Variants in LEF1 observed in about 807,000 individuals in gnomAD.
LEF1 encodes lymphoid enhancer-binding factor 1.
Under a neutral mutation model 51.2 loss-of-function variants are expected in LEF1, and 14 were observed. The ratio of observed to expected loss-of-function variants is 0.27; its 90% CI spans 0.18 to 0.43. The LOEUF (loss-of-function observed/expected upper bound fraction) is 0.43, where lower values mean the gene tolerates loss of function less well. Ranked by LOEUF, LEF1 falls within the 20% of genes least tolerant of loss-of-function variation. LEF1 has a pLI of 1.00. For synonymous variants in LEF1, 185 were observed against 183.2 expected, an observed-to-expected ratio of 1.01 and a Z score of -0.08; for missense variants, 386 against 512.0, an observed-to-expected ratio of 0.75 and a Z score of 2.37.
intron 3 of LEF1, among the ~76,000 whole-genome samples, chr4:108,129,016 C>T (rs139216093): frequency 3.9e-5 from 6 of 152,242 alleles, no homozygotes; most frequent in Non-Finnish European, 7.3e-5. Flanking sequence ...GGAAAAATCC[C>T]GGAGAGGGTC....
chr4:108,091,416 C>A (rs1399402935), intron 3 of LEF1, among the ~76,000 whole-genome samples: 2 of 149,918 alleles, frequency 1.3e-5, no homozygotes, highest in African/African-American at 4.9e-5. Context: ...TATACCCTAT[C>A]ATTACAACCT....
At chr4:108,064,514 T>C (rs1737919110) in intron 9 of LEF1, 130 bp from the exon 10 acceptor site, 1 of 627,618 alleles carries the variant, frequency 1.6e-6, no homozygotes, top group Non-Finnish European at 2.8e-6. Context: ...CTCTTCACCA[T>C]CTCTATCTAG....
rs556733080 is a variant in LEF1 at position 108,161,528 on chromosome 4, A to G, written c.414+2040T>C. Among the ~76,000 whole-genome samples, 5 of 152,324 alleles carry G rather than the reference A, an allele frequency of 3.3e-5. No homozygotes were observed. The East Asian group carries it at 7.7e-4, about 23-fold the overall frequency. Reference sequence around the variant, plus strand: ...CTGACCTCAAAATTTTAATACATACACTAACAATAAATACCTTCTATCAAA... The same window carrying G: ...CTGACCTCAAAATTTTAATACATACGCTAACAATAAATACCTTCTATCAAA... On this transcript the variant is annotated intron_variant, in intron 3 of 11. Coordinates refer to ENST00000265165, the MANE Select transcript of LEF1 (RefSeq NM_016269.5).
At chr4:108,130,426 A>G (rs1451583827) in intron 3 of LEF1, among the ~76,000 whole-genome samples, 1 of 152,160 alleles carries the variant, frequency 6.6e-6, no homozygotes, top group Non-Finnish European at 1.5e-5. Context: ...TGGCTCATCA[A>G]AAGACCTTCC....
chr4:108,076,629 C>T (rs1287015261), intron 8 of LEF1, among the ~76,000 whole-genome samples: 5 of 152,196 alleles, frequency 3.3e-5, no homozygotes, highest in Admixed American at 2.6e-4. Context: ...CTGCCTGCCT[C>T]GGCCTCTCAA....
intron 4 of LEF1, among the ~76,000 whole-genome samples, chr4:108,085,162 C>T (rs1210183428): frequency 6.6e-6 from 1 of 152,184 alleles, no homozygotes; most frequent in East Asian, 1.9e-4. Flanking sequence ...AATTTCAGCT[C>T]ACCACAACCT....
intron 3 of LEF1, among the ~76,000 whole-genome samples, chr4:108,133,827 T>C (rs1237602288): frequency 6.6e-6 from 1 of 152,198 alleles, no homozygotes; most frequent in Non-Finnish European, 1.5e-5. Flanking sequence ...ATTCATTACA[T>C]CAGAAAATAA....
intron 2 of LEF1, 29 bp downstream of exon 2, chr4:108,165,068 A>C: frequency 6.2e-7 from 1 of 1,605,332 alleles, no homozygotes; most frequent in Non-Finnish European, 8.5e-7. Flanking sequence ...TATCTGCTAA[A>C]GTCAGAAGAA....
chr4:108,083,535 A>G, intron 4 of LEF1, 89 bp from the exon 5 acceptor site: 1 of 758,884 alleles, frequency 1.3e-6, no homozygotes, highest in Non-Finnish European at 2.1e-6. Context: ...ATTCATACTT[A>G]AGGTTCAGAA....
intron 8 of LEF1, chr4:108,075,524 A>C (rs1578311227): frequency 6.6e-6 from 1 of 152,240 alleles, no homozygotes; most frequent in East Asian, 1.9e-4. Flanking sequence ...TTAAGAGGCT[A>C]CCACACAGAT....
intron 3 of LEF1, among the ~76,000 whole-genome samples, chr4:108,124,374 A>AT (rs111874516): frequency 0.096 from 13,986 of 145,502 alleles, 844 homozygotes; most frequent in African/African-American, 0.19. Flanking sequence ...ATACATGAAC[A>AT]TTTTTTTTTT....
Position 108,066,104 on chromosome 4 carries a change from C to A in LEF1, c.1117-1720G>T, listed in dbSNP as rs185327168. ...TTTTGGTAAATACGGAGTTTCACCA[C>A]GTTGGCCAGGCTGGCCTTGAACTCC... On this transcript the variant is annotated intron_variant, in intron 9 of 11. Transcript: ENST00000265165. 2.6e-5 allele frequency among the ~76,000 whole-genome samples: 4 copies of A among 152,120 alleles called. No homozygotes were observed. In the East Asian group the frequency reaches 7.7e-4, roughly 29 times the overall value.
intron 3 of LEF1, chr4:108,104,672 G>T: frequency 1.0e-6 from 1 of 984,204 alleles, no homozygotes. Flanking sequence ...ATCGTATGAA[G>T]GACATACCTA....
chr4:108,098,669 A>G (rs530611212), intron 3 of LEF1, among the ~76,000 whole-genome samples: 52 of 152,282 alleles, frequency 3.4e-4, no homozygotes, highest in African/African-American at 1.2e-3. Flanking sequence ...AATAAGTGCC[A>G]TATATATACA....
At position 108,048,478 on chromosome 4, in the gene LEF1, T is replaced by C. The variant is rs1475205639; in HGVS notation, c.*280A>G. On this transcript the variant is annotated 3_prime_UTR_variant, in exon 12 of 12. Coordinates refer to ENST00000265165, the MANE Select transcript of LEF1 (RefSeq NM_016269.5). ...GCTGCCCCACAGCCTGCTAGCATTCTCATGTGCTTTTACATTTCCTTTTAA... is the reference window on the plus strand; with the variant it reads ...GCTGCCCCACAGCCTGCTAGCATTCCCATGTGCTTTTACATTTCCTTTTAA... The C allele has an allele frequency of 2.5e-5, 10 of 403,888 alleles. No individual in the cohort carries two copies. The highest frequency in any genetic ancestry group is 4.3e-5 in the Admixed American group (1 of 23,488). The allele number at this position is 403,888 out of a possible 1,614,324, so 25.0% of individuals were successfully genotyped here.
intron 3 of LEF1, among the ~76,000 whole-genome samples, chr4:108,160,295 A>G (rs958651931): frequency 6.6e-6 from 1 of 152,228 alleles, no homozygotes; most frequent in Non-Finnish European, 1.5e-5. Flanking sequence ...ATTGGCCTAC[A>G]GGGATTTTCA....
intron 10 of LEF1, among the ~76,000 whole-genome samples, 159 bp downstream of exon 10, chr4:108,064,177 G>T (rs1430123290): frequency 2.0e-5 from 3 of 152,126 alleles, no homozygotes. Context: ...TAAAAGAAGG[G>T]TCTTTTAAAT....
At chr4:108,099,580 A>ATATGTGTGTG (rs1218247770) in intron 3 of LEF1, among the ~76,000 whole-genome samples, 1 of 37,052 alleles carries the variant, frequency 2.7e-5, no homozygotes, top group South Asian at 9.1e-4. Context: ...GTATATATAT[A>ATATGTGTGTG]TATATATATA....
At chr4:108,130,439 G>A (rs1048686197) in intron 3 of LEF1, among the ~76,000 whole-genome samples, 5 of 152,000 alleles carry the variant, frequency 3.3e-5, no homozygotes, top group African/African-American at 1.2e-4. Flanking sequence ...GACCTTCCAG[G>A]CCAGGCGTGG....
Sources: allele counts gnomAD v4.1 joint callset (sites outside exome capture counted in the v4.1 genomes callset), GRCh38; gene constraint gnomAD v4.1.1; transcripts MANE v1.5; gene names NCBI Gene and HGNC (gene_info 2026-07-23, HGNC 2026-07-21).